The following SLC4A4 variants were observed in gnomAD, a reference collection of about 807,000 sequenced individuals.
SLC4A4 encodes solute carrier family 4 member 4.
SLC4A4 carries 27 observed loss-of-function variants against 111.5 expected under a neutral mutation model. The ratio of observed to expected loss-of-function variants is 0.24; its 90% CI spans 0.18 to 0.33. The LOEUF (loss-of-function observed/expected upper bound fraction) is 0.33, where lower values mean the gene tolerates loss of function less well. Ranked by LOEUF, SLC4A4 falls within the 10% of genes least tolerant of loss-of-function variation. SLC4A4 has a pLI of 1.00. For synonymous variants in SLC4A4, 443 were observed against 463.4 expected (o/e 0.96, Z 0.57); for missense variants, 909 against 1,315.5 (o/e 0.69, Z 4.78).
chr4:71,492,574 C>A (rs1730033302), intron 15 of SLC4A4, among the ~76,000 whole-genome samples: 1 of 151,942 alleles, frequency 6.6e-6, no homozygotes, highest in South Asian at 2.1e-4. Context: ...GCTGTTAGAT[C>A]CCCACACAGG....
intron 2 of SLC4A4, among the ~76,000 whole-genome samples, chr4:71,125,948 A>C (rs1236890826): frequency 6.6e-6 from 1 of 152,224 alleles, no homozygotes; most frequent in Non-Finnish European, 1.5e-5. Flanking sequence ...ATATTCTTAT[A>C]AATCAACTGC....
chr4:71,429,633 G>T (rs1445908668), intron 7 of SLC4A4, among the ~76,000 whole-genome samples: 1 of 152,082 alleles, frequency 6.6e-6, no homozygotes, highest in Non-Finnish European at 1.5e-5. Flanking sequence ...TTGAATAATT[G>T]TAGTACCACA....
intron 3 of SLC4A4, among the ~76,000 whole-genome samples, chr4:71,315,310 G>C (rs1726595354): frequency 6.6e-6 from 1 of 152,138 alleles, no homozygotes; most frequent in Non-Finnish European, 1.5e-5. Context: ...CCTAGGTTTA[G>C]AAGACAGTTG....
At chr4:71,524,381 C>T (rs1245342831) in intron 16 of SLC4A4, among the ~76,000 whole-genome samples, 1 of 152,082 alleles carries the variant, frequency 6.6e-6, no homozygotes, top group African/African-American at 2.4e-5. Context: ...TTAGTGATTG[C>T]CAAAGTCTCC....
chr4:71,103,035 G>A (rs200022308), intron 2 of SLC4A4, among the ~76,000 whole-genome samples: 1,770 of 150,892 alleles, frequency 0.012, 28 homozygotes, highest in East Asian at 0.048. Flanking sequence ...CATCTCACGT[G>A]CAGAGACACA....
At chr4:71,313,855 A>G (rs1726421563) in intron 3 of SLC4A4, among the ~76,000 whole-genome samples, 1 of 152,222 alleles carries the variant, frequency 6.6e-6, no homozygotes, top group Non-Finnish European at 1.5e-5. Flanking sequence ...GGACATAGGC[A>G]TGGGCAAAGA....
At chr4:71,350,162 G>C (rs1017498992) in intron 5 of SLC4A4, 90 bp downstream of exon 5, 1 of 1,280,002 alleles carries the variant, frequency 7.8e-7, no homozygotes, top group African/African-American at 1.5e-5. Flanking sequence ...ACTGTAAGCA[G>C]AGTTAAATGT....
intron 1 of SLC4A4, among the ~76,000 whole-genome samples, chr4:71,203,321 C>A (rs1746340104): frequency 6.6e-6 from 1 of 152,066 alleles, no homozygotes; most frequent in African/African-American, 2.4e-5. Flanking sequence ...GCTTTTAATT[C>A]TCAAAAACCT....
At chr4:71,300,414 C>T (rs111862520) in intron 3 of SLC4A4, 39 of 233,642 alleles carry the variant, frequency 1.7e-4, no homozygotes, top group African/African-American at 8.0e-4. Flanking sequence ...GATGCTGCTG[C>T]TGTGCTTCAT....
At chr4:71,095,171 G>A (rs930504436) in intron 2 of SLC4A4, among the ~76,000 whole-genome samples, 12 of 152,262 alleles carry the variant, frequency 7.9e-5, no homozygotes, top group Admixed American at 4.6e-4. Flanking sequence ...CTACTTCTAC[G>A]TGAAGCCATT....
intron 24 of SLC4A4, 77 bp downstream of exon 24, chr4:71,563,966 C>T: frequency 1.1e-6 from 1 of 891,448 alleles, no homozygotes. Flanking sequence ...GAATGGCCAT[C>T]TGCATTAACT....
chr4:71,288,182 T>C (rs1435043668), intron 3 of SLC4A4, among the ~76,000 whole-genome samples: 3 of 152,188 alleles, frequency 2.0e-5, no homozygotes, highest in African/African-American at 4.8e-5. Flanking sequence ...GCATGCAGAA[T>C]GGCCTTTCAC....
At chr4:71,448,235 A>G (rs1051057175) in intron 9 of SLC4A4, among the ~76,000 whole-genome samples, 13 of 150,496 alleles carry the variant, frequency 8.6e-5, no homozygotes, top group African/African-American at 2.9e-4. Context: ...CAGGAGAATC[A>G]CTAGAACCTG....
intron 2 of SLC4A4, among the ~76,000 whole-genome samples, chr4:71,113,247 C>G (rs1297200431): frequency 2.0e-5 from 3 of 152,206 alleles, no homozygotes; most frequent in African/African-American, 7.2e-5. Flanking sequence ...TAAAGTCTCT[C>G]TTGCTCATTA....
At chr4:71,260,399 T>G (rs1360819965) in intron 3 of SLC4A4, among the ~76,000 whole-genome samples, 6 of 152,196 alleles carry the variant, frequency 3.9e-5, no homozygotes, top group Non-Finnish European at 7.4e-5. Context: ...TTCTTTAATT[T>G]TCTACATGCC....
upstream of SLC4A4, among the ~76,000 whole-genome samples, chr4:71,182,941 T>C (rs565047279): frequency 2.6e-5 from 4 of 152,314 alleles, no homozygotes; most frequent in East Asian, 7.7e-4. Flanking sequence ...TATGCTGATC[T>C]ATGGGAGAAT....
chr4:71,316,862 T>C (rs1191236868), intron 3 of SLC4A4, among the ~76,000 whole-genome samples: 2 of 152,128 alleles, frequency 1.3e-5, no homozygotes, highest in Non-Finnish European at 2.9e-5. Flanking sequence ...GCTCCATCCA[T>C]GTCCCTGCAA....
rs34425929 is a variant in SLC4A4 at position 71,480,020 on chromosome 4, C to CT, written c.1904-6909dup. Among the ~76,000 whole-genome samples the CT allele has an allele frequency of 3.6e-3, 456 of 127,408 alleles. 2 individuals are homozygous for CT. The highest frequency in any genetic ancestry group is 0.01 in the African/African-American group (370 of 35,644). The allele number at this position is 127,408 out of a possible 152,430, so 83.6% of individuals were successfully genotyped here. On this transcript the variant is annotated intron_variant, in intron 14 of 25. Transcript: ENST00000264485. Reference sequence around the variant, plus strand: ...GAAATTGGGGACAAAATATGCCCATCTTTTTTTTTTTTTTTTTTTGAGGTG... The same window carrying CT: ...GAAATTGGGGACAAAATATGCCCATCTTTTTTTTTTTTTTTTTTTTGAGGTG...
intron 3 of SLC4A4, among the ~76,000 whole-genome samples, chr4:71,320,668 G>C (rs776641015): frequency 7.9e-5 from 12 of 152,042 alleles, no homozygotes; most frequent in Non-Finnish European, 1.8e-4. Context: ...CTTAAAGAGT[G>C]TCATAAATAG....
Sources: gnomAD v4.1 joint callset for allele counts (sites outside exome capture counted in the v4.1 genomes callset) on GRCh38, gnomAD v4.1.1 for gene constraint, MANE v1.5 for transcripts, NCBI Gene and HGNC (gene_info 2026-07-23, HGNC 2026-07-21) for gene names.